KLHL32: variants seen among roughly 807,000 people sequenced by gnomAD.
KLHL32 encodes the protein kelch-like protein 32.
A neutral mutation model predicts 64.8 loss-of-function variants in KLHL32; 35 were observed. The observed-to-expected ratio is 0.54, with a 90% CI of 0.41 to 0.72. KLHL32 has a LOEUF of 0.72. KLHL32 is among the 30% of genes least tolerant of loss of function. The pLI is 0.00. For synonymous variants in KLHL32, 259 were observed against 281.0 expected (o/e 0.92, Z 0.78); for missense variants, 589 against 768.5 (o/e 0.77, Z 2.76).
intron 1 of KLHL32, among the ~76,000 whole-genome samples, chr6:96,950,243 C>T (rs1772411027): frequency 6.6e-6 from 1 of 151,034 alleles, no homozygotes; most frequent in Admixed American, 6.6e-5. Context: ...AAAAAAAAAC[C>T]ATTAGCTCTC....
chr6:96,941,679 G>T (rs1285781877), intron 1 of KLHL32, among the ~76,000 whole-genome samples: 3 of 152,176 alleles, frequency 2.0e-5, no homozygotes, highest in Non-Finnish European at 2.9e-5. Flanking sequence ...GCCTGAGAAA[G>T]TATCCTCTCA....
At chr6:97,030,868 G>C (rs1385039415) in intron 3 of KLHL32, among the ~76,000 whole-genome samples, 1 of 152,144 alleles carries the variant, frequency 6.6e-6, no homozygotes, top group African/African-American at 2.4e-5. Flanking sequence ...AGGGTGGTAG[G>C]ACATCATCTG....
At chr6:97,102,866 G>A (rs1437280437) in intron 6 of KLHL32, among the ~76,000 whole-genome samples, 1 of 151,868 alleles carries the variant, frequency 6.6e-6, no homozygotes, top group African/African-American at 2.4e-5. Context: ...AGGTTTGGGA[G>A]TACACGTGAA....
rs1785108318 is a variant in KLHL32 at position 97,041,486 on chromosome 6, C to CTGA, written c.205-6_205-5insTGA. 5.0e-6 allele frequency: 8 copies of CTGA among 1,599,194 alleles called. No homozygotes were observed. Among genetic ancestry groups the CTGA allele is most frequent in the Non-Finnish European group, 6.9e-6 (8 of 1,166,464 alleles). On this transcript the variant is annotated splice_region_variant and splice_polypyrimidine_tract_variant and intron_variant, in intron 3 of 10. Transcript: ENST00000369261. ...ATAACTGTCTTTCTCCCTTTCCTCA[C>CTGA]CTCAGGCAATGTTCAGTCTTTGTAT...
chr6:97,051,208 C>T lies in KLHL32; in HGVS notation c.312+9609C>T, dbSNP rs1225133785. The stretch of plus-strand genomic sequence containing the variant: ...ATATAGATGACAAGGATGAGTGTGG[C>T]CCCTTCTGTGTTTTAACCATATCTC... On this transcript the variant is annotated intron_variant, in intron 4 of 10. Transcript: ENST00000369261. Among the ~76,000 whole-genome samples, 3 of 152,038 alleles carry T rather than the reference C, an allele frequency of 2.0e-5. No individual in the cohort carries two copies. In the South Asian group the frequency reaches 6.2e-4, roughly 32 times the overall value.
chr6:97,009,103 G>A (rs1780038437), intron 3 of KLHL32, among the ~76,000 whole-genome samples: 3 of 151,186 alleles, frequency 2.0e-5, no homozygotes, highest in Non-Finnish European at 2.9e-5. Flanking sequence ...CACTTAATGG[G>A]GCTAATGTAG....
intron 4 of KLHL32, among the ~76,000 whole-genome samples, chr6:97,054,112 G>A (rs543502899): frequency 5.9e-5 from 9 of 152,018 alleles, no homozygotes; most frequent in Non-Finnish European, 1.2e-4. Context: ...CAACATGATA[G>A]CAAAAATATA....
At chr6:97,005,853 A>G (rs1779601724) in intron 3 of KLHL32, among the ~76,000 whole-genome samples, 1 of 151,644 alleles carries the variant, frequency 6.6e-6, no homozygotes. Flanking sequence ...TGGTTGGTAT[A>G]TTTTCAGTTT....
upstream of KLHL32, among the ~76,000 whole-genome samples, chr6:96,923,134 A>C (rs982584133): frequency 6.6e-6 from 1 of 152,190 alleles, no homozygotes; most frequent in Non-Finnish European, 1.5e-5. Flanking sequence ...TGTAAATGCA[A>C]TTATAGTCTT....
At chr6:97,031,341 ATT>A (rs55960372) in intron 3 of KLHL32, among the ~76,000 whole-genome samples, 170 of 147,346 alleles carry the variant, frequency 1.2e-3, no homozygotes, top group African/African-American at 4.0e-3. Flanking sequence ...AGTTTTTAAC[ATT>A]TTTTTTTTTT....
At chr6:97,061,102 G>A (rs1412625351) in intron 4 of KLHL32, among the ~76,000 whole-genome samples, 1 of 152,170 alleles carries the variant, frequency 6.6e-6, no homozygotes, top group Non-Finnish European at 1.5e-5. Context: ...ACAGCCCCTT[G>A]TGTTCCACCA....
rs1463934746 is a variant in KLHL32 at position 97,139,362 on chromosome 6, GCTTC to G, written c.*84_*87del. ...GGCATGAAAAGACTCAGTGCTCCATGCTTCCTTGTCTTGCTTTATAGGTCTTATA... is the reference window on the plus strand; with the variant it reads ...GGCATGAAAAGACTCAGTGCTCCATGCTTGTCTTGCTTTATAGGTCTTATA... On this transcript the variant is annotated 3_prime_UTR_variant, in exon 11 of 11. Transcript: ENST00000369261. The G allele has an allele frequency of 1.6e-6, 2 of 1,239,896 alleles. No homozygotes were observed. Among genetic ancestry groups the G allele is most frequent in the Non-Finnish European group, 2.3e-6 (2 of 882,596 alleles). 76.8% of individuals were successfully genotyped at this position (1,239,896 alleles called of 1,614,324 possible).
chr6:96,951,942 TC>T (rs1772676142), intron 1 of KLHL32, among the ~76,000 whole-genome samples: 1 of 152,200 alleles, frequency 6.6e-6, no homozygotes, highest in African/African-American at 2.4e-5. Flanking sequence ...AAAAATTGAT[TC>T]CCAGCTGGGA....
intron 6 of KLHL32, among the ~76,000 whole-genome samples, chr6:97,099,120 G>A (rs1037763241): frequency 2.6e-5 from 4 of 152,244 alleles, no homozygotes; most frequent in Middle Eastern, 3.4e-3. Context: ...GTTTCCCCAC[G>A]TCTGTACTTT....
chr6:97,007,632 AGGTT>A (rs551813804), intron 3 of KLHL32, among the ~76,000 whole-genome samples: 38 of 152,300 alleles, frequency 2.5e-4, no homozygotes, highest in Middle Eastern at 3.4e-3. Flanking sequence ...TTCAGTCTTC[AGGTT>A]GCTGTCCTTT....
rs1315719496 is a variant in KLHL32 at position 97,065,126 on chromosome 6, C to T, written c.411+400C>T. ...TAATAGTCATTGAAGATTTCAGTAA[C>T]AGTATCTAGTAAATCACAAAGTCCT... On this transcript the variant is annotated intron_variant, in intron 5 of 10. Transcript: ENST00000369261. 3.3e-5 allele frequency among the ~76,000 whole-genome samples: 5 copies of T among 152,134 alleles called. No homozygotes were observed. The East Asian group carries it at 7.7e-4, about 23-fold the overall frequency.
At chr6:97,052,036 A>C (rs191611609) in intron 4 of KLHL32, among the ~76,000 whole-genome samples, 1 of 152,314 alleles carries the variant, frequency 6.6e-6, no homozygotes, top group Non-Finnish European at 1.5e-5. Context: ...ACTATCCTAA[A>C]ATGAAATTCC....
At chr6:96,972,121 G>C (rs1308940447) in intron 2 of KLHL32, among the ~76,000 whole-genome samples, 1 of 152,048 alleles carries the variant, frequency 6.6e-6, no homozygotes, top group Non-Finnish European at 1.5e-5. Context: ...CAAAGTGCTG[G>C]TATTACAGGT....
chr6:97,105,148 G>A (rs999324030), intron 6 of KLHL32, among the ~76,000 whole-genome samples: 1 of 152,108 alleles, frequency 6.6e-6, no homozygotes, highest in Non-Finnish European at 1.5e-5. Context: ...ATGTTTATTA[G>A]AATTCAAGGC....
Sources: allele counts gnomAD v4.1 joint callset (sites outside exome capture counted in the v4.1 genomes callset), GRCh38; gene constraint gnomAD v4.1.1; transcripts MANE v1.5; gene names NCBI Gene and HGNC (gene_info 2026-07-23, HGNC 2026-07-21).